PPP5C: variants seen among roughly 807,000 people sequenced by gnomAD.
PPP5C encodes serine/threonine-protein phosphatase 5.
Under a neutral mutation model 66.7 loss-of-function variants are expected in PPP5C, and 21 were observed. The ratio of observed to expected loss-of-function variants is 0.31; its 90% CI spans 0.22 to 0.45. The LOEUF is 0.45. PPP5C is among the 20% of genes least tolerant of loss of function. The probability of loss-of-function intolerance (pLI) is 1.00; values close to 1 mark genes in which losing one functional copy is unlikely to be tolerated. For missense variants in PPP5C, 464 were observed against 675.9 expected (o/e 0.69, Z 3.48); for synonymous variants, 246 against 257.4 (o/e 0.96, Z 0.43).
At position 46,353,976 on chromosome 19, in the gene PPP5C, G is replaced by A. The variant is rs771616939; in HGVS notation, c.350G>A (p.Arg117Gln). Reference protein sequence around the residue: ...MALGKFRAALRDYETVVKVKP... With the variant: ...MALGKFRAALQDYETVVKVKP... ...CTGGGCAAGTTCCGGGCCGCGCTGC[G>A]AGACTACGAGACGGTGAGCTGGGGA... The change falls in exon 2 of 13, where the codon CGA becomes CAA. Residue 117 changes from arginine to glutamine, a missense_variant. This residue lies in a region of PPP5C where 387 missense variants were observed against 626.0 expected (regional missense o/e 0.62). Coordinates refer to ENST00000012443, the MANE Select transcript of PPP5C (RefSeq NM_006247.4). The A allele has an allele frequency of 5.6e-6, 9 of 1,610,842 alleles. No homozygotes were observed. The highest frequency in any genetic ancestry group is 2.2e-5 in the South Asian group (2 of 90,462).
Position 46,353,677 on chromosome 19 carries a change from C to A in PPP5C, c.122-71C>A. The A allele has an allele frequency of 1.9e-6, 3 of 1,587,914 alleles. No individual in the cohort carries two copies. The Middle Eastern group carries it at 5.0e-4, about 265-fold the overall frequency. On this transcript the variant is annotated intron_variant, in intron 1 of 12. Coordinates refer to ENST00000012443, the MANE Select transcript of PPP5C (RefSeq NM_006247.4). ...CCCATCTGTGAACAGGGAGACTGGG[C>A]GTCACCCAGCCCAGGGCCTGTCCTC...
chr19:46,385,073 C>T, intron 7 of PPP5C, 164 bp downstream of exon 7: 1 of 595,346 alleles, frequency 1.7e-6, no homozygotes, highest in South Asian at 1.9e-5. Context: ...AAAAGCATCA[C>T]ACCAAAGGAC....
rs781414014 is a variant in PPP5C, at chr19:46,387,531, C to G, written c.1135+78C>G. The stretch of plus-strand genomic sequence containing the variant: ...GCTCTCCCCTGCAACCCAGCCCTGC[C>G]TCGGAGGATGGGCTTTGTGCCCTTG... On this transcript the variant is annotated intron_variant, in intron 9 of 12. Transcript: ENST00000012443. The G allele has an allele frequency of 3.1e-6, 5 of 1,611,128 alleles. No homozygotes were observed. The Admixed American group carries it at 6.7e-5, about 22-fold the overall frequency.
chr19:46,390,606 A>T lies in PPP5C; in HGVS notation c.*260A>T. 7.5e-7 allele frequency: 1 copy of T among 1,332,382 alleles called. No homozygotes were observed. The allele number at this position is 1,332,382 out of a possible 1,614,324, so 82.5% of individuals were successfully genotyped here. On this transcript the variant is annotated 3_prime_UTR_variant, in exon 13 of 13. Transcript: ENST00000012443. Reference sequence around the variant, plus strand: ...GGCACAGCCTGGGCATTCTGTGGGGAGGCCGTCCTCGGGGTGGGGTGGGGC... The same window carrying T: ...GGCACAGCCTGGGCATTCTGTGGGGTGGCCGTCCTCGGGGTGGGGTGGGGC...
At chr19:46,349,657 A>G (rs1396300654) in intron 1 of PPP5C, among the ~76,000 whole-genome samples, 1 of 152,024 alleles carries the variant, frequency 6.6e-6, no homozygotes, top group Non-Finnish European at 1.5e-5. Flanking sequence ...TGGTTCAGTT[A>G]GTGTTCAGAA....
chr19:46,361,483 A>C (rs138524982), intron 2 of PPP5C, among the ~76,000 whole-genome samples: 1 of 143,796 alleles, frequency 7.0e-6, no homozygotes. Flanking sequence ...ATGGTGGCTC[A>C]CTCCTGTAAT....
rs772108304 is a variant in PPP5C, at chr19:46,387,460, AGCGCGGG to A, written c.1135+10_1135+16del. The A allele has an allele frequency of 3.0e-5, 48 of 1,613,928 alleles. No homozygotes were observed. The highest frequency in any genetic ancestry group is 6.7e-5 in the African/African-American group (5 of 74,936). ...CGACAACCCCCAGATTCAGGTGAGC[AGCGCGGG>A]GCCAGGTGTCTCCAGCAGAAAGGGG... On this transcript the variant is annotated splice_region_variant and intron_variant, in intron 9 of 12. Coordinates refer to ENST00000012443, the MANE Select transcript of PPP5C (RefSeq NM_006247.4).
intron 1 of PPP5C, among the ~76,000 whole-genome samples, chr19:46,350,795 G>A (rs1188046001): frequency 6.6e-6 from 1 of 151,990 alleles, no homozygotes; most frequent in African/African-American, 2.4e-5. Context: ...GAGCAGCAGG[G>A]CCCGGATATC....
At chr19:46,389,814 C>G (rs1972979237) in intron 11 of PPP5C, among the ~76,000 whole-genome samples, 1 of 152,046 alleles carries the variant, frequency 6.6e-6, no homozygotes, top group African/African-American at 2.4e-5. Context: ...ATGCCCTGCC[C>G]CTTCCTGCTC....
At chr19:46,375,138 C>A (rs1972669037) in intron 2 of PPP5C, among the ~76,000 whole-genome samples, 1 of 152,172 alleles carries the variant, frequency 6.6e-6, no homozygotes, top group African/African-American at 2.4e-5. Context: ...ATTAGGTAAC[C>A]TGGGCTTGGG....
intron 2 of PPP5C, among the ~76,000 whole-genome samples, chr19:46,355,717 T>C (rs1285326930): frequency 1.3e-5 from 2 of 152,090 alleles, no homozygotes; most frequent in Non-Finnish European, 2.9e-5. Flanking sequence ...CGCCTCCGGA[T>C]GGCTGTGGCT....
chr19:46,390,275 G>C lies in PPP5C; in HGVS notation c.1438-9G>C. 1 of 1,593,012 alleles carries C rather than the reference G, an allele frequency of 6.3e-7. No individual in the cohort carries two copies. The highest frequency in any genetic ancestry group is 8.5e-7 in the Non-Finnish European group (1 of 1,169,652). ...ACTTCTGTCCATCCCACCTGCCCTGGTCCCACAGCCTCATCCCAACGTCAA... is the reference window on the plus strand; with the variant it reads ...ACTTCTGTCCATCCCACCTGCCCTGCTCCCACAGCCTCATCCCAACGTCAA... On this transcript the variant is annotated splice_polypyrimidine_tract_variant and intron_variant, in intron 12 of 12. Coordinates refer to ENST00000012443, the MANE Select transcript of PPP5C (RefSeq NM_006247.4).
chr19:46,374,669 T>C (rs982838387), intron 2 of PPP5C, among the ~76,000 whole-genome samples: 30 of 152,206 alleles, frequency 2.0e-4, no homozygotes, highest in African/African-American at 7.0e-4. Context: ...GTGTATGATC[T>C]GGTCATCAGC....
At chr19:46,377,331 A>G (rs938113846) in intron 4 of PPP5C, among the ~76,000 whole-genome samples, 1 of 152,174 alleles carries the variant, frequency 6.6e-6, no homozygotes, top group Non-Finnish European at 1.5e-5. Context: ...TCCTCTGTGC[A>G]GTGGAGATAA....
At chr19:46,378,156 G>T (rs1972728847) in intron 4 of PPP5C, among the ~76,000 whole-genome samples, 1 of 152,050 alleles carries the variant, frequency 6.6e-6, no homozygotes, top group Admixed American at 6.5e-5. Context: ...TTCCTTCCAG[G>T]CAGTAAGTTA....
At chr19:46,365,306 C>CG (rs976396646) in intron 2 of PPP5C, among the ~76,000 whole-genome samples, 1 of 150,938 alleles carries the variant, frequency 6.6e-6, no homozygotes, top group Non-Finnish European at 1.5e-5. Flanking sequence ...TTAGTAGAGG[C>CG]GGGGTTTCAC....
intron 2 of PPP5C, among the ~76,000 whole-genome samples, chr19:46,360,316 CAA>C (rs1351344685): frequency 6.6e-6 from 1 of 151,962 alleles, no homozygotes; most frequent in Non-Finnish European, 1.5e-5. Flanking sequence ...ACAAATATAA[CAA>C]AAAAGATCAG....
chr19:46,370,390 A>T (rs959745862), intron 2 of PPP5C, among the ~76,000 whole-genome samples: 1 of 152,236 alleles, frequency 6.6e-6, no homozygotes, highest in Non-Finnish European at 1.5e-5. Context: ...TCAGGAGATC[A>T]GTATCACTGT....
At position 46,361,503 on chromosome 19, in the gene PPP5C, T is replaced by C. The variant is rs182827496; in HGVS notation, c.363+7514T>C. Among the ~76,000 whole-genome samples, 836 of 147,196 alleles carry C rather than the reference T, an allele frequency of 5.7e-3. 10 individuals carry two copies. Among genetic ancestry groups the C allele is most frequent in the African/African-American group, 0.019 (752 of 40,302 alleles). The stretch of plus-strand genomic sequence containing the variant: ...GGCTCACTCCTGTAATCCCAGCACT[T>C]TGGGAGACTGAGGCAGGCGGATCAT... On this transcript the variant is annotated intron_variant, in intron 2 of 12. Coordinates refer to ENST00000012443, the MANE Select transcript of PPP5C (RefSeq NM_006247.4).
Sources: allele counts gnomAD v4.1 joint callset (sites outside exome capture counted in the v4.1 genomes callset), GRCh38; gene constraint gnomAD v4.1.1; regional missense constraint gnomAD v4.1.1; transcripts MANE v1.5; gene names NCBI Gene and HGNC (gene_info 2026-07-23, HGNC 2026-07-21).